Variants in COL22A1 observed in about 807,000 individuals in gnomAD.
COL22A1 encodes collagen alpha-1(XXII) chain.
A neutral mutation model predicts 248.9 loss-of-function variants in COL22A1; 221 were observed. The observed-to-expected ratio is 0.89, with a 90% confidence interval of 0.80 to 0.99. The LOEUF (loss-of-function observed/expected upper bound fraction) is 0.99. Among genes scored for constraint, COL22A1 ranks in the 50% least tolerant of loss-of-function variants. COL22A1 has a pLI of 0.00. For missense variants in COL22A1, 2,240 were observed against 2,179.0 expected, an observed-to-expected ratio of 1.03 and a Z score of -0.56; for synonymous variants, 891 against 793.4, an observed-to-expected ratio of 1.12 and a Z score of -2.07.
rs551505180 is a variant in COL22A1 at position 138,706,458 on chromosome 8, A to T, written c.2518-3111T>A. 4.6e-5 allele frequency among the ~76,000 whole-genome samples: 7 copies of T among 152,334 alleles called. No individual in the cohort carries two copies. In the East Asian group the frequency reaches 1.4e-3, roughly 29 times the overall value. ...CTGTCTCTCAGACCACAGTGCAATCAAACTAGAATGCAGGATTAAGAAACT... is the reference window on the plus strand; with the variant it reads ...CTGTCTCTCAGACCACAGTGCAATCTAACTAGAATGCAGGATTAAGAAACT... On this transcript the variant is annotated intron_variant, in intron 30 of 64. Transcript: ENST00000303045.
chr8:138,859,057 A>T lies in COL22A1; in HGVS notation c.659-14899T>A, dbSNP rs1007957505. Reference sequence around the variant, plus strand: ...TCCCCAGAAAGCAAAGGACCAGCTGAATGAGCCCAGAATGCCTCCTCATCC... The same window carrying T: ...TCCCCAGAAAGCAAAGGACCAGCTGTATGAGCCCAGAATGCCTCCTCATCC... On this transcript the variant is annotated intron_variant, in intron 3 of 64. Coordinates refer to ENST00000303045, the MANE Select transcript of COL22A1 (RefSeq NM_152888.3). Among the ~76,000 whole-genome samples the T allele has an allele frequency of 1.4e-4, 21 of 152,310 alleles. 2 individuals carry two copies. The highest frequency in any genetic ancestry group is 1.4e-3 in the Admixed American group (21 of 15,294).
intron 11 of COL22A1, among the ~76,000 whole-genome samples, chr8:138,802,567 C>T (rs150351710): frequency 6.6e-6 from 1 of 152,126 alleles, no homozygotes; most frequent in African/African-American, 2.4e-5. Flanking sequence ...TGTGTAATGG[C>T]CAGAGTCAGG....
At chr8:138,891,651 T>G (rs1417648024) in intron 1 of COL22A1, among the ~76,000 whole-genome samples, 1 of 152,112 alleles carries the variant, frequency 6.6e-6, no homozygotes, top group Non-Finnish European at 1.5e-5. Context: ...TGGGAAGGAT[T>G]CAATCCCAAA....
At chr8:138,816,579 C>T (rs151052842) in intron 7 of COL22A1, among the ~76,000 whole-genome samples, 10 of 152,328 alleles carry the variant, frequency 6.6e-5, no homozygotes, top group Admixed American at 4.6e-4. Context: ...GCATTCAGCA[C>T]GGCCCAGTCT....
chr8:138,655,684 C>G (rs541198216), intron 45 of COL22A1, among the ~76,000 whole-genome samples: 106 of 152,094 alleles, frequency 7.0e-4, no homozygotes, highest in Non-Finnish European at 1.0e-3. Flanking sequence ...AATTAGTTTC[C>G]ATTTAGATTG....
intron 41 of COL22A1, among the ~76,000 whole-genome samples, chr8:138,672,739 C>G (rs1825140318): frequency 6.6e-6 from 1 of 152,200 alleles, no homozygotes; most frequent in Non-Finnish European, 1.5e-5. Flanking sequence ...GGTATTATCA[C>G]CAGTATTATC....
At chr8:138,691,718 G>A (rs528787369) in intron 35 of COL22A1, among the ~76,000 whole-genome samples, 5 of 142,230 alleles carry the variant, frequency 3.5e-5, no homozygotes, top group African/African-American at 1.3e-4. Flanking sequence ...GTGTGTTTAT[G>A]TGTGTACATG....
chr8:138,655,282 A>T (rs1221637918), intron 45 of COL22A1, among the ~76,000 whole-genome samples: 1 of 152,262 alleles, frequency 6.6e-6, no homozygotes, highest in Non-Finnish European at 1.5e-5. Flanking sequence ...CCAATAAGGC[A>T]GCCACCAGCC....
intron 41 of COL22A1, among the ~76,000 whole-genome samples, chr8:138,673,216 T>TA: frequency 6.6e-6 from 1 of 150,928 alleles, no homozygotes; most frequent in East Asian, 2.0e-4. Flanking sequence ...GATCTATTTT[T>TA]TTTTTTTTTT....
chr8:138,588,855 G>A lies in COL22A1; in HGVS notation c.*398C>T, dbSNP rs570098317. The A allele has an allele frequency of 2.7e-4, 43 of 156,636 alleles. No homozygotes were observed. Among genetic ancestry groups the A allele is most frequent in the Non-Finnish European group, 4.5e-4 (32 of 70,870 alleles). The allele number at this position is 156,636 out of a possible 1,614,324, so 9.7% of individuals were successfully genotyped here. Reference sequence around the variant, plus strand: ...GAAGAAAGAGGTAAATTTGCCAAGTGTCTGGTCAGGGTTTTGTAGCACCAA... The same window carrying A: ...GAAGAAAGAGGTAAATTTGCCAAGTATCTGGTCAGGGTTTTGTAGCACCAA... On this transcript the variant is annotated 3_prime_UTR_variant, in exon 65 of 65. Transcript: ENST00000303045.
intron 10 of COL22A1, among the ~76,000 whole-genome samples, chr8:138,807,123 G>T (rs1475041430): frequency 6.6e-6 from 1 of 152,182 alleles, no homozygotes; most frequent in African/African-American, 2.4e-5. Flanking sequence ...GACAGAGAGA[G>T]ACAGTGACAC....
intron 45 of COL22A1, among the ~76,000 whole-genome samples, chr8:138,650,552 G>C (rs1822618272): frequency 1.3e-5 from 2 of 152,046 alleles, no homozygotes; most frequent in African/African-American, 4.8e-5. Context: ...CTGCCTCTTG[G>C]TTTGCCCCCT....
chr8:138,657,041 G>A (rs1331007137), intron 44 of COL22A1, among the ~76,000 whole-genome samples: 2 of 152,178 alleles, frequency 1.3e-5, no homozygotes, highest in East Asian at 3.9e-4. Context: ...ACGTGCTGGT[G>A]GGGTTTTGTG....
rs367684613 is a variant in COL22A1 at position 138,613,953 on chromosome 8, C to A, written c.3925-33G>T. 6.3e-5 allele frequency: 98 copies of A among 1,558,000 alleles called. 1 individual carries two copies. In the Middle Eastern group the frequency reaches 1.2e-3, roughly 19 times the overall value. ...AAAGACAGAGAGATGGTGTCATCATCAAGTCACTGTGTGAAGGTGATGGCA... is the reference window on the plus strand; with the variant it reads ...AAAGACAGAGAGATGGTGTCATCATAAAGTCACTGTGTGAAGGTGATGGCA... On this transcript the variant is annotated intron_variant, in intron 55 of 64. Coordinates refer to ENST00000303045, the MANE Select transcript of COL22A1 (RefSeq NM_152888.3).
chr8:138,832,225 G>C (rs752803977), intron 5 of COL22A1, among the ~76,000 whole-genome samples: 6 of 152,164 alleles, frequency 3.9e-5, no homozygotes, highest in Non-Finnish European at 8.8e-5. Flanking sequence ...AAAATGGGCA[G>C]TCAGCAGCCC....
rs547224485 is a variant in COL22A1, at chr8:138,604,492, G to A, written c.4140+242C>T. Among the ~76,000 whole-genome samples the A allele has an allele frequency of 2.0e-5, 3 of 152,312 alleles. No homozygotes were observed. In the South Asian group the frequency reaches 6.2e-4, roughly 32 times the overall value. Reference sequence around the variant, plus strand: ...ATTTGTTGATAGCTTGGATGCTGAGGAATAAACAAGTGAAACAGACATACC... The same window carrying A: ...ATTTGTTGATAGCTTGGATGCTGAGAAATAAACAAGTGAAACAGACATACC... On this transcript the variant is annotated intron_variant, in intron 59 of 64. Coordinates refer to ENST00000303045, the MANE Select transcript of COL22A1 (RefSeq NM_152888.3).
chr8:138,626,116 T>C (rs1820215195), intron 51 of COL22A1, 74 bp downstream of exon 51: 1 of 1,194,868 alleles, frequency 8.4e-7, no homozygotes, highest in Non-Finnish European at 1.2e-6. Flanking sequence ...CAGTGGAATA[T>C]ATTTTTGTTT....
chr8:138,808,996 A>G (rs1286798562), intron 9 of COL22A1, among the ~76,000 whole-genome samples: 1 of 152,220 alleles, frequency 6.6e-6, no homozygotes, highest in Non-Finnish European at 1.5e-5. Context: ...ACTGGAAACA[A>G]TGTCTGTCTG....
intron 16 of COL22A1, among the ~76,000 whole-genome samples, chr8:138,764,271 G>A (rs1469856310): frequency 6.6e-6 from 1 of 152,226 alleles, no homozygotes; most frequent in African/African-American, 2.4e-5. Context: ...GGGATGCAGA[G>A]GAAGGTTTTC....
Sources: gnomAD v4.1 joint callset for allele counts (sites outside exome capture counted in the v4.1 genomes callset) on GRCh38, gnomAD v4.1.1 for gene constraint, MANE v1.5 for transcripts, NCBI Gene and HGNC (gene_info 2026-07-23, HGNC 2026-07-21) for gene names.